ELP6: variants seen among roughly 807,000 people sequenced by gnomAD.
ELP6 encodes the protein elongator complex protein 6.
A neutral mutation model predicts 28.1 loss-of-function variants in ELP6; 23 were observed. That is an observed-to-expected ratio of 0.82 (90% CI 0.59 to 1.16). The LOEUF (loss-of-function observed/expected upper bound fraction) is 1.16. Ranked by LOEUF, ELP6 falls within the 50% of genes most tolerant of loss-of-function variation. The pLI is 0.00. For missense variants in ELP6, 313 were observed against 334.6 expected, an observed-to-expected ratio of 0.94 and a Z score of 0.50; for synonymous variants, 132 against 135.8, an observed-to-expected ratio of 0.97 and a Z score of 0.19.
chr3:47,512,321 G>A (rs978854800), intron 1 of ELP6: 1 of 157,112 alleles, frequency 6.4e-6, no homozygotes, highest in African/African-American at 2.4e-5. Context: ...GATCACCTGA[G>A]GTCAGGAGTT....
At chr3:47,504,485 T>C (rs767517525) in intron 3 of ELP6, 37 bp from the exon 4 acceptor site, 4 of 1,561,558 alleles carry the variant, frequency 2.6e-6, no homozygotes, top group East Asian at 2.3e-5. Context: ...CTATGCCTTG[T>C]AGGGGAACCC....
rs748857770 is a variant in ELP6 at position 47,510,231 on chromosome 3, C to T, written c.157G>A (p.Ala53Thr). 3.1e-6 allele frequency: 5 copies of T among 1,613,760 alleles called. No homozygotes were observed. The highest frequency in any genetic ancestry group is 2.2e-5 in the South Asian group (2 of 91,044). ...TAGTGGCTGAAGGACTGGATGAGTG[C>T]CACAAAGCAGACTTTACAATTAGCT... ...LKANCKVCFV[A>T]LIQSFSHYSI... The change falls in exon 3 of 7, where the codon GCA becomes ACA. Residue 53 changes from alanine to threonine, a missense_variant. Coordinates refer to ENST00000296149, the MANE Select transcript of ELP6 (RefSeq NM_001031703.3).
intron 3 of ELP6, among the ~76,000 whole-genome samples, chr3:47,508,128 G>A (rs530916070): frequency 6.6e-6 from 1 of 152,334 alleles, no homozygotes; most frequent in South Asian, 2.1e-4. Flanking sequence ...CAAAGGATGG[G>A]AAAGAAAGAA....
At chr3:47,507,968 G>A (rs988000861) in intron 3 of ELP6, among the ~76,000 whole-genome samples, 2 of 92,118 alleles carry the variant, frequency 2.2e-5, no homozygotes, top group South Asian at 4.1e-4. Context: ...TTAGATATGC[G>A]AACACACAGC....
chr3:47,510,410 C>T (rs1188725720), intron 2 of ELP6, among the ~76,000 whole-genome samples, 156 bp from the exon 3 acceptor site: 1 of 152,068 alleles, frequency 6.6e-6, no homozygotes, highest in Non-Finnish European at 1.5e-5. Context: ...TACTTTTTTT[C>T]TTATTTAACA....
At position 47,513,643 on chromosome 3, in the gene ELP6, C is replaced by T; in HGVS notation, c.-53G>A. The stretch of plus-strand genomic sequence containing the variant: ...AGGAGAACCCGGAGTGCTGCAGAGA[C>T]GACGGAGGCTGGAGAGCAAAACACA... On this transcript the variant is annotated 5_prime_UTR_variant, in exon 1 of 7. Coordinates refer to ENST00000296149, the MANE Select transcript of ELP6 (RefSeq NM_001031703.3). 1 of 1,608,842 alleles carries T rather than the reference C, an allele frequency of 6.2e-7. No homozygotes were observed.
At chr3:47,504,099 T>C (rs1041625594) in intron 4 of ELP6, 1 of 482,278 alleles carries the variant, frequency 2.1e-6, no homozygotes, top group African/African-American at 2.0e-5. Flanking sequence ...CATATAGTTC[T>C]GCCATCCTTC....
In ELP6 at chr3:47,513,051, C is replaced by T. The variant is rs956303086; in HGVS notation, c.54+486G>A. ...TGTCGCCCAGGCTGGAGTGCGGTGG[C>T]GAGATCTCGGGTCACTGCAACCTCC... is the stretch of plus-strand genomic sequence containing the variant. On this transcript the variant is annotated intron_variant, in intron 1 of 6. Coordinates refer to ENST00000296149, the MANE Select transcript of ELP6 (RefSeq NM_001031703.3). The T allele has an allele frequency of 1.2e-5, 12 of 973,962 alleles. No individual in the cohort carries two copies. In the African/African-American group the frequency reaches 2.0e-4, roughly 16 times the overall value. 60.3% of individuals were successfully genotyped at this position (973,962 alleles called of 1,614,324 possible).
chr3:47,502,663 T>A, intron 4 of ELP6: 1 of 638,056 alleles, frequency 1.6e-6, no homozygotes, highest in Non-Finnish European at 1.9e-6. Flanking sequence ...AGTGGGACTA[T>A]ACCTCTACAA....
chr3:47,507,857 A>G (rs1708887725), intron 3 of ELP6, among the ~76,000 whole-genome samples: 1 of 151,888 alleles, frequency 6.6e-6, no homozygotes, highest in African/African-American at 2.4e-5. Flanking sequence ...ATATGCCACG[A>G]GTATAGAAGC....
In ELP6 at chr3:47,513,272, G is replaced by A. The variant is rs571327255; in HGVS notation, c.54+265C>T. The A allele has an allele frequency of 4.5e-6, 6 of 1,328,090 alleles. No homozygotes were observed. In the African/African-American group the frequency reaches 7.7e-5, roughly 17 times the overall value. 82.3% of individuals were successfully genotyped at this position (1,328,090 alleles called of 1,614,324 possible). ...CTCCCAAACTGCTGGGATTACAGGG[G>A]TGAGCCACCGCGCCCGGCCGCTTCC... On this transcript the variant is annotated intron_variant, in intron 1 of 6. Coordinates refer to ENST00000296149, the MANE Select transcript of ELP6 (RefSeq NM_001031703.3).
rs767491412 is a variant in ELP6, at chr3:47,496,165, G to A, written c.705C>T (p.Pro235=). The A allele has an allele frequency of 2.4e-5, 39 of 1,613,916 alleles. No individual in the cohort carries two copies. The highest frequency in any genetic ancestry group is 1.6e-4 in the Middle Eastern group (1 of 6,084). Residue 235 remains proline, a synonymous_variant, in exon 7 of 7, where the codon CCC becomes CCT. Transcript: ENST00000296149. ...TGAAGCTCTGATCCCGGTGGACTGC[G>A]GGCTGCGATGGTCTCCTCCACAGGA... is the stretch of plus-strand genomic sequence containing the variant. ...LRILWRRPSQ[P]AVHRDQSFTY...
chr3:47,509,891 A>G (rs1041385717), intron 3 of ELP6: 8 of 204,346 alleles, frequency 3.9e-5, no homozygotes, highest in Middle Eastern at 1.7e-3. Context: ...CCTCCTAAAT[A>G]GCTGGGACTA....
At position 47,498,384 on chromosome 3, in the gene ELP6, C is replaced by A; in HGVS notation, c.574G>T (p.Glu192Ter). The change falls in exon 6 of 7, where the codon GAG becomes TAG. Residue 192 changes from glutamate (E) to a stop codon, truncating the protein, a stop_gained. Coordinates refer to ENST00000296149, the MANE Select transcript of ELP6 (RefSeq NM_001031703.3). LOFTEE classifies it high-confidence loss of function. ...AGGCCATTCAGCAGGATGTCATTCT[C>A]CTCATCCTCCGCATCTCCACTGTCG... ...VHDSGDAEDE[E>*]NDILLNGLSH... The A allele has an allele frequency of 3.7e-6, 6 of 1,613,648 alleles. No homozygotes were observed. Among genetic ancestry groups the A allele is most frequent in the Non-Finnish European group, 5.1e-6 (6 of 1,180,044 alleles).
At chr3:47,502,408 T>C (rs1708691759) in intron 4 of ELP6, 1 of 930,522 alleles carries the variant, frequency 1.1e-6, no homozygotes, top group Admixed American at 1.1e-4. Flanking sequence ...AAAATGAGAC[T>C]CTGTCTCAAA....
chr3:47,502,361 G>C lies in ELP6; in HGVS notation c.324-510C>G, dbSNP rs984297672. 75 of 953,610 alleles carry C rather than the reference G, an allele frequency of 7.9e-5. No homozygotes were observed. In the African/African-American group the frequency reaches 1.4e-3, roughly 17 times the overall value. The allele number at this position is 953,610 out of a possible 1,614,324, so 59.1% of individuals were successfully genotyped here. A position where few individuals can be genotyped will look rare whatever the true frequency, so the allele number is the denominator to read the frequency against. On this transcript the variant is annotated intron_variant, in intron 4 of 6. Transcript: ENST00000296149. ...GGAGACGGAAGTTGCAGTGAGCCAC[G>C]ACTGAGATCATCCCACTGCACTCCA...
chr3:47,499,280 G>T (rs916236454), intron 5 of ELP6, among the ~76,000 whole-genome samples: 1 of 152,150 alleles, frequency 6.6e-6, no homozygotes, highest in African/African-American at 2.4e-5. Flanking sequence ...ACTTTGGAAG[G>T]CCGAGGTGGG....
intron 6 of ELP6, chr3:47,497,428 C>CA: frequency 1.3e-6 from 1 of 792,748 alleles, no homozygotes; most frequent in Non-Finnish European, 1.5e-6. Flanking sequence ...CCTCCGCCTC[C>CA]TGGGTTCAAG....
chr3:47,506,078 G>C (rs531793756), intron 3 of ELP6, among the ~76,000 whole-genome samples: 1 of 152,160 alleles, frequency 6.6e-6, no homozygotes, highest in Admixed American at 6.6e-5. Context: ...CTGGGCATCC[G>C]GGGGAGACAT....
Sources: gnomAD v4.1 joint callset for allele counts (sites outside exome capture counted in the v4.1 genomes callset) on GRCh38, gnomAD v4.1.1 for gene constraint, MANE v1.5 for transcripts, NCBI Gene and HGNC (gene_info 2026-07-23, HGNC 2026-07-21) for gene names.